Variants in CORO2A observed in about 807,000 individuals in gnomAD.
CORO2A encodes coronin 2A.
A neutral mutation model predicts 62.4 loss-of-function variants in CORO2A; 47 were observed. The ratio of observed to expected loss-of-function variants is 0.75; its 90% CI spans 0.60 to 0.96. The LOEUF is 0.96. CORO2A is among the 40% of genes least tolerant of loss of function. The pLI, the probability that CORO2A is intolerant of heterozygous loss-of-function variation, is 0.00. For missense variants in CORO2A, 610 were observed against 684.1 expected (o/e 0.89, Z 1.21); for synonymous variants, 273 against 268.9 (o/e 1.02, Z -0.15).
chr9:98,173,091 G>A (rs1302759214), intron 1 of CORO2A, among the ~76,000 whole-genome samples: 1 of 152,172 alleles, frequency 6.6e-6, no homozygotes, highest in Non-Finnish European at 1.5e-5. Flanking sequence ...GATCGCTTAG[G>A]GCCAGGAGTT....
At position 98,122,249 on chromosome 9, in the gene CORO2A, C is replaced by T. The variant is rs1467115463; in HGVS notation, c.*2525G>A. 2.6e-5 allele frequency: 4 copies of T among 152,208 alleles called. No individual in the cohort carries two copies. Among genetic ancestry groups the T allele is most frequent in the Non-Finnish European group, 5.9e-5 (4 of 68,048 alleles). 9.4% of individuals were successfully genotyped at this position (152,208 alleles called of 1,614,324 possible). On this transcript the variant is annotated 3_prime_UTR_variant, in exon 12 of 12. Coordinates refer to ENST00000375077, the MANE Select transcript of CORO2A (RefSeq NM_052820.4). ...GTACACATGCAGTCTTCCATCTTCA[C>T]TGTACTGCAGATCACCTGTGGAGCT...
Position 98,188,468 on chromosome 9 carries a change from A to G in CORO2A, c.-1+4091T>C, listed in dbSNP as rs917111924. Among the ~76,000 whole-genome samples, 9 of 152,166 alleles carry G rather than the reference A, an allele frequency of 5.9e-5. No individual in the cohort carries two copies. In the East Asian group the frequency reaches 1.7e-3, roughly 29 times the overall value. ...CCTTCCCCCTTTCCCCAGCACTTAGAAAATACCTAGTACAGGTCAGGTGTG... is the reference window on the plus strand; with the variant it reads ...CCTTCCCCCTTTCCCCAGCACTTAGGAAATACCTAGTACAGGTCAGGTGTG... On this transcript the variant is annotated intron_variant, in intron 1 of 11. Coordinates refer to ENST00000375077, the MANE Select transcript of CORO2A (RefSeq NM_052820.4).
intron 1 of CORO2A, among the ~76,000 whole-genome samples, chr9:98,173,071 G>A (rs1330731255): frequency 6.6e-6 from 1 of 152,224 alleles, no homozygotes; most frequent in Non-Finnish European, 1.5e-5. Flanking sequence ...TTAGGAGGCC[G>A]AGGTGGGAGG....
At chr9:98,187,107 G>A (rs533753195) in intron 1 of CORO2A, among the ~76,000 whole-genome samples, 44 of 151,950 alleles carry the variant, frequency 2.9e-4, no homozygotes, top group Middle Eastern at 3.4e-3. Flanking sequence ...GTGAAACCCC[G>A]TCTCTACTGA....
At chr9:98,148,786 AC>A (rs1827682361) in intron 2 of CORO2A, among the ~76,000 whole-genome samples, 2 of 147,004 alleles carry the variant, frequency 1.4e-5, no homozygotes, top group East Asian at 2.0e-4. Context: ...AACAAAAAAA[AC>A]AAAACACACA....
chr9:98,168,252 T>A (rs1415025585), intron 1 of CORO2A, among the ~76,000 whole-genome samples: 1 of 152,250 alleles, frequency 6.6e-6, no homozygotes, highest in Non-Finnish European at 1.5e-5. Flanking sequence ...TTAAACAACA[T>A]GCCCATCTCT....
intron 1 of CORO2A, among the ~76,000 whole-genome samples, chr9:98,192,167 T>G (rs1342446121): frequency 6.6e-6 from 1 of 152,214 alleles, no homozygotes; most frequent in African/African-American, 2.4e-5. Flanking sequence ...AAGAGTCCCA[T>G]GGAGCACCCG....
chr9:98,142,129 T>C (rs1162685705), intron 2 of CORO2A, among the ~76,000 whole-genome samples: 1 of 152,246 alleles, frequency 6.6e-6, no homozygotes, highest in Non-Finnish European at 1.5e-5. Context: ...CAAAAACTTC[T>C]GTTATAAAAC....
In CORO2A at chr9:98,132,977, T is replaced by C. The variant is rs963941601; in HGVS notation, c.648+61A>G. 3.8e-6 allele frequency: 6 copies of C among 1,581,668 alleles called. No homozygotes were observed. The Middle Eastern group carries it at 1.0e-3, about 276-fold the overall frequency. On this transcript the variant is annotated intron_variant, in intron 5 of 11. Coordinates refer to ENST00000375077, the MANE Select transcript of CORO2A (RefSeq NM_052820.4). Reference sequence around the variant, plus strand: ...ACTGTCCTGTTCTCTGAAGCCTCTCTCTGTCCCCACTCTGCTCCTTGCTCC... The same window carrying C: ...ACTGTCCTGTTCTCTGAAGCCTCTCCCTGTCCCCACTCTGCTCCTTGCTCC...
intron 2 of CORO2A, among the ~76,000 whole-genome samples, chr9:98,142,616 G>A (rs374548130): frequency 7.9e-5 from 12 of 152,316 alleles, no homozygotes; most frequent in East Asian, 5.8e-4. Context: ...GGCTGCCCTC[G>A]GGCTGACGGG....
chr9:98,129,706 C>A, intron 8 of CORO2A, 88 bp downstream of exon 8: 1 of 979,382 alleles, frequency 1.0e-6, no homozygotes. Context: ...TCCCCAGACC[C>A]CGCACTGAAG....
intron 2 of CORO2A, among the ~76,000 whole-genome samples, chr9:98,151,663 C>T (rs766716257): frequency 1.3e-5 from 2 of 151,984 alleles, no homozygotes; most frequent in African/African-American, 2.4e-5. Context: ...ACTTTTCTTT[C>T]GCTATTTTTC....
chr9:98,151,208 A>G (rs138242688), intron 2 of CORO2A, among the ~76,000 whole-genome samples: 90 of 152,324 alleles, frequency 5.9e-4, no homozygotes, highest in African/African-American at 1.3e-3. Flanking sequence ...GAAAAGCACA[A>G]AGGACTCTAA....
rs1827820305 is a variant in CORO2A at position 98,157,510 on chromosome 9, C to T, written c.151G>A (p.Val51Met). 2 of 1,614,114 alleles carry T rather than the reference C, an allele frequency of 1.2e-6. No individual in the cohort carries two copies. The highest frequency in any genetic ancestry group is 1.7e-6 in the Non-Finnish European group (2 of 1,180,050). The change falls in exon 2 of 12, where the codon GTG (valine) becomes ATG (methionine). Residue 51 changes from valine (V) to methionine (M), a missense_variant. Val to Met is a conservative substitution (Grantham distance 21, BLOSUM62 1). Coordinates refer to ENST00000375077, the MANE Select transcript of CORO2A (RefSeq NM_052820.4). ...CAVNPHFIAV[V>M]TECAGGGAFL... The stretch of plus-strand genomic sequence containing the variant: ...GCCCCTCCACCAGCACACTCAGTCA[C>T]AACTGCAATGAAGTGGGGGTTCACG...
At chr9:98,166,250 C>T (rs1000073095) in intron 1 of CORO2A, among the ~76,000 whole-genome samples, 1 of 152,106 alleles carries the variant, frequency 6.6e-6, no homozygotes, top group Admixed American at 6.5e-5. Context: ...AGAGCTAAAT[C>T]TATAAAAAAC....
chr9:98,140,851 C>T (rs1043935380), intron 2 of CORO2A, among the ~76,000 whole-genome samples: 1 of 152,208 alleles, frequency 6.6e-6, no homozygotes, highest in East Asian at 1.9e-4. Context: ...AGTGATCAGA[C>T]ACCTCCGCCT....
chr9:98,150,700 T>A (rs1263848207), intron 2 of CORO2A, among the ~76,000 whole-genome samples: 2 of 152,240 alleles, frequency 1.3e-5, no homozygotes, highest in East Asian at 3.8e-4. Context: ...GAAAACCAAC[T>A]AATTATTGAA....
chr9:98,182,973 C>G (rs1160676150), intron 1 of CORO2A, among the ~76,000 whole-genome samples: 1 of 152,224 alleles, frequency 6.6e-6, no homozygotes, highest in Non-Finnish European at 1.5e-5. Context: ...TTCTTTACTT[C>G]CCTTGCAAAG....
intron 1 of CORO2A, among the ~76,000 whole-genome samples, chr9:98,173,295 C>T (rs569017059): frequency 2.0e-5 from 3 of 152,330 alleles, no homozygotes; most frequent in African/African-American, 7.2e-5. Context: ...AATCGCTGCT[C>T]TACAGCCCAG....
Sources: allele counts gnomAD v4.1 joint callset (sites outside exome capture counted in the v4.1 genomes callset), GRCh38; gene constraint gnomAD v4.1.1; transcripts MANE v1.5; gene names NCBI Gene and HGNC (gene_info 2026-07-23, HGNC 2026-07-21).